The following SCFD2 variants were observed in gnomAD, a reference collection of about 807,000 sequenced individuals.
The protein encoded by SCFD2 is sec1 family domain containing 2, also known as sec1 family domain-containing protein 2.
In SCFD2, 54 loss-of-function variants were observed where a neutral mutation model predicts 58.9. That is an observed-to-expected ratio of 0.92 (90% CI 0.74 to 1.15). The LOEUF is 1.15. Among genes scored for constraint, SCFD2 ranks in the 50% most tolerant of loss-of-function variants. The pLI, the probability that SCFD2 is intolerant of heterozygous loss-of-function variation, is 0.00. For synonymous variants in SCFD2, 321 were observed against 335.9 expected, an observed-to-expected ratio of 0.96 and a Z score of 0.49; for missense variants, 805 against 836.6, an observed-to-expected ratio of 0.96 and a Z score of 0.47.
chr4:53,332,258 T>G (rs1280574918), intron 2 of SCFD2, among the ~76,000 whole-genome samples: 1 of 151,454 alleles, frequency 6.6e-6, no homozygotes, highest in African/African-American at 2.4e-5. Context: ...GAGGCCAGCA[T>G]CATTCTGATA....
chr4:52,902,005 G>T (rs1291024950), intron 7 of SCFD2, among the ~76,000 whole-genome samples: 2 of 152,336 alleles, frequency 1.3e-5, no homozygotes, highest in Admixed American at 6.5e-5. Context: ...TGGAATGGAG[G>T]TCTCCATTTC....
chr4:52,926,086 C>A (rs1719856755), intron 5 of SCFD2, among the ~76,000 whole-genome samples: 2 of 152,054 alleles, frequency 1.3e-5, no homozygotes, highest in Admixed American at 6.5e-5. Flanking sequence ...CCATTTCCAG[C>A]CCCAACATAA....
At chr4:53,170,606 C>A (rs1215537715) in intron 4 of SCFD2, among the ~76,000 whole-genome samples, 2 of 152,142 alleles carry the variant, frequency 1.3e-5, no homozygotes, top group Admixed American at 1.3e-4. Flanking sequence ...TGCACTGAAT[C>A]TGTAGATTGC....
At chr4:53,247,826 A>G (rs898492573) in intron 4 of SCFD2, among the ~76,000 whole-genome samples, 15 of 119,660 alleles carry the variant, frequency 1.3e-4, no homozygotes, top group Non-Finnish European at 2.2e-4. Flanking sequence ...GCGCCACTGC[A>G]GTCCGCAGTC....
At chr4:52,999,784 G>C (rs1210708535) in intron 5 of SCFD2, among the ~76,000 whole-genome samples, 1 of 152,186 alleles carries the variant, frequency 6.6e-6, no homozygotes, top group Admixed American at 6.5e-5. Flanking sequence ...AACACCATCT[G>C]TTGCATTATG....
chr4:53,349,349 T>C (rs1449762791), intron 2 of SCFD2, among the ~76,000 whole-genome samples: 2 of 152,248 alleles, frequency 1.3e-5, no homozygotes, highest in African/African-American at 4.8e-5. Context: ...CCATACAACA[T>C]GACGTCCAAA....
chr4:53,254,319 G>C (rs1192119122), intron 4 of SCFD2, among the ~76,000 whole-genome samples: 1 of 151,974 alleles, frequency 6.6e-6, no homozygotes, highest in African/African-American at 2.4e-5. Flanking sequence ...AAGATCTGAT[G>C]GTTTTATAAG....
rs554233380 is a variant in SCFD2 at position 53,185,611 on chromosome 4, T to C, written c.1312-40029A>G. Among the ~76,000 whole-genome samples the C allele has an allele frequency of 8.0e-4, 121 of 152,178 alleles. 2 individuals carry two copies. Among genetic ancestry groups the C allele is most frequent in the Non-Finnish European group, 1.5e-5 (1 of 67,976 alleles). ...TATCAAATATAATTTTTTAAAACTC[T>C]TTTTATTATCTAAATTAAGCTGGAA... On this transcript the variant is annotated intron_variant, in intron 4 of 8. Transcript: ENST00000401642.
chr4:53,286,179 C>T (rs1488849655), intron 3 of SCFD2, among the ~76,000 whole-genome samples: 1 of 152,168 alleles, frequency 6.6e-6, no homozygotes, highest in Non-Finnish European at 1.5e-5. Context: ...TCCTGGATCC[C>T]AGCTGTTGCT....
intron 5 of SCFD2, among the ~76,000 whole-genome samples, chr4:53,026,805 C>A (rs1722484788): frequency 6.6e-6 from 1 of 152,128 alleles, no homozygotes; most frequent in Admixed American, 6.6e-5. Flanking sequence ...ACATAAAATG[C>A]AAACTTTTAA....
At chr4:53,073,900 G>A (rs1448692284) in intron 5 of SCFD2, among the ~76,000 whole-genome samples, 1 of 152,136 alleles carries the variant, frequency 6.6e-6, no homozygotes, top group Non-Finnish European at 1.5e-5. Flanking sequence ...TTTGTTGGGA[G>A]AGACTTGCCT....
intron 4 of SCFD2, among the ~76,000 whole-genome samples, chr4:53,239,909 A>T (rs80061610): frequency 0.011 from 1,698 of 152,308 alleles, 24 homozygotes; most frequent in African/African-American, 0.039. Flanking sequence ...TGTCAGCCTA[A>T]AAGGTCATTC....
chr4:52,975,559 T>G (rs1241688077), intron 5 of SCFD2, among the ~76,000 whole-genome samples: 1 of 152,128 alleles, frequency 6.6e-6, no homozygotes, highest in African/African-American at 2.4e-5. Flanking sequence ...AGGAACACTT[T>G]TACACACTGT....
At chr4:53,293,085 A>G (rs1731898790) in intron 3 of SCFD2, among the ~76,000 whole-genome samples, 1 of 152,160 alleles carries the variant, frequency 6.6e-6, no homozygotes, top group African/African-American at 2.4e-5. Context: ...AAAAAAAAGA[A>G]AATGTAGTAC....
chr4:53,349,199 G>T (rs1734144253), intron 2 of SCFD2, among the ~76,000 whole-genome samples: 2 of 152,200 alleles, frequency 1.3e-5, no homozygotes, highest in Non-Finnish European at 2.9e-5. Flanking sequence ...CCCAAGAAAA[G>T]CCTTAGGAGT....
At chr4:53,146,729 T>C (rs1194704915) in intron 4 of SCFD2, among the ~76,000 whole-genome samples, 4 of 152,176 alleles carry the variant, frequency 2.6e-5, no homozygotes, top group African/African-American at 4.8e-5. Flanking sequence ...TTACATACAA[T>C]AAGATATTTT....
At chr4:52,922,344 C>A (rs1289159236) in intron 5 of SCFD2, among the ~76,000 whole-genome samples, 1 of 151,774 alleles carries the variant, frequency 6.6e-6, no homozygotes, top group Admixed American at 6.6e-5. Flanking sequence ...AGCAGTCACC[C>A]CCGATTTCTG....
intron 5 of SCFD2, among the ~76,000 whole-genome samples, chr4:53,120,583 A>G (rs1725451774): frequency 6.6e-6 from 1 of 152,174 alleles, no homozygotes; most frequent in African/African-American, 2.4e-5. Context: ...GGTTAACATC[A>G]AATGTCTCTG....
chr4:52,894,423 TGA>T lies in SCFD2; in HGVS notation c.1843-8559_1843-8558del, dbSNP rs545304827. ...AGAAAATAAATTATTTTCAGGAGAC[TGA>T]GATCCAAACCACAAATTCCAGAAAT... On this transcript the variant is annotated intron_variant, in intron 7 of 8. Transcript: ENST00000401642. Among the ~76,000 whole-genome samples the T allele has an allele frequency of 3.0e-3, 454 of 152,350 alleles. 5 individuals carry two copies. Among genetic ancestry groups the T allele is most frequent in the African/African-American group, 0.01 (431 of 41,582 alleles).
Sources: allele counts gnomAD v4.1 joint callset (sites outside exome capture counted in the v4.1 genomes callset), GRCh38; gene constraint gnomAD v4.1.1; transcripts MANE v1.5; gene names NCBI Gene and HGNC (gene_info 2026-07-23, HGNC 2026-07-21).